Variants in ANKRD27 observed in about 807,000 individuals in gnomAD.
The protein encoded by ANKRD27 is ankyrin repeat domain-containing protein 27.
A neutral mutation model predicts 129.7 loss-of-function variants in ANKRD27; 112 were observed. The observed-to-expected ratio is 0.86, with a 90% CI of 0.74 to 1.01. ANKRD27 has a LOEUF of 1.01. Ranked by LOEUF, ANKRD27 falls within the 50% of genes least tolerant of loss-of-function variation. The pLI, the probability that ANKRD27 is intolerant of heterozygous loss-of-function variation, is 0.00. For missense variants in ANKRD27, 1,258 were observed against 1,300.5 expected (o/e 0.97, Z 0.50); for synonymous variants, 516 against 511.2 (o/e 1.01, Z -0.13).
At chr19:32,604,036 A>T (rs1389190989) in intron 25 of ANKRD27, among the ~76,000 whole-genome samples, 1 of 151,856 alleles carries the variant, frequency 6.6e-6, no homozygotes, top group Non-Finnish European at 1.5e-5. Flanking sequence ...GCCTTTGAAA[A>T]CCACCTGTGA....
intron 3 of ANKRD27, among the ~76,000 whole-genome samples, chr19:32,647,855 C>T (rs930404141): frequency 1.3e-5 from 2 of 152,238 alleles, no homozygotes; most frequent in Non-Finnish European, 2.9e-5. Context: ...CACACTGCAG[C>T]ACAAGATTAC....
intron 1 of ANKRD27, among the ~76,000 whole-genome samples, chr19:32,664,308 T>G (rs1390593789): frequency 1.3e-5 from 2 of 151,810 alleles, no homozygotes; most frequent in Non-Finnish European, 2.9e-5. Flanking sequence ...TATATGTCAC[T>G]GCACTTGACT....
intron 2 of ANKRD27, among the ~76,000 whole-genome samples, chr19:32,653,682 C>T (rs1247568757): frequency 6.6e-6 from 1 of 151,264 alleles, no homozygotes; most frequent in African/African-American, 2.4e-5. Context: ...GTGGGGGCAT[C>T]CCCACAAAAG....
rs1172456743 is a variant in ANKRD27, at chr19:32,640,404, C to A, written c.905-19G>T. 4 of 1,604,764 alleles carry A rather than the reference C, an allele frequency of 2.5e-6. No individual in the cohort carries two copies. Among genetic ancestry groups the A allele is most frequent in the Non-Finnish European group, 3.4e-6 (4 of 1,171,714 alleles). On this transcript the variant is annotated intron_variant, in intron 10 of 28. Coordinates refer to ENST00000306065, the MANE Select transcript of ANKRD27 (RefSeq NM_032139.3). The stretch of plus-strand genomic sequence containing the variant: ...AGGTTCACTGCAAAGGGGAAACACA[C>A]ATTCAATGCCATCATGAGATTCAAA...
Position 32,656,103 on chromosome 19 carries a change from G to GAAAAGA in ANKRD27, c.102+2810_102+2811insTCTTTT, listed in dbSNP as rs1555747135. On this transcript the variant is annotated intron_variant, in intron 2 of 28. Transcript: ENST00000306065. ...AGAAAGAAAGAAAGAAAGAAAGAAA[G>GAAAAGA]AAAGAAAAGAAAAGAAAAGAAAAGA... Among the ~76,000 whole-genome samples, 303 of 123,644 alleles carry GAAAAGA rather than the reference G, an allele frequency of 2.5e-3. 4 individuals are homozygous for GAAAAGA. The highest frequency in any genetic ancestry group is 0.012 in the South Asian group (44 of 3,620). 81.1% of individuals were successfully genotyped at this position (123,644 alleles called of 152,430 possible). A position where few individuals can be genotyped will look rare whatever the true frequency, so the allele number is the denominator to read the frequency against.
chr19:32,642,993 A>C (rs1967229416), intron 9 of ANKRD27, 130 bp downstream of exon 9: 2 of 872,654 alleles, frequency 2.3e-6, no homozygotes, highest in African/African-American at 1.7e-5. Flanking sequence ...GTTGCAAGTA[A>C]CTGCGCTGCT....
At chr19:32,644,272 C>T in intron 5 of ANKRD27, 53 bp downstream of exon 5, 1 of 1,589,792 alleles carries the variant, frequency 6.3e-7, no homozygotes, top group Admixed American at 1.7e-5. Flanking sequence ...TCCCAGCACC[C>T]TGCACTGAAC....
rs866258044 is a variant in ANKRD27 at position 32,667,229 on chromosome 19, C to T, written c.-31+7842G>A. On this transcript the variant is annotated intron_variant, in intron 1 of 28. Transcript: ENST00000306065. ...AGCAGCTCCTAGGTAACATGCTGCA[C>T]GGCCCCTGCTGCTGGGCAGTGAACA... Among the ~76,000 whole-genome samples the T allele has an allele frequency of 5.3e-5, 8 of 152,380 alleles. No individual in the cohort carries two copies. In the East Asian group the frequency reaches 5.8e-4, roughly 11 times the overall value.
rs976813024 is a variant in ANKRD27, at chr19:32,607,933, G to A, written c.2176-101C>T. Reference sequence around the variant, plus strand: ...GCCCCCCACAGCTCCCACACACAATGCGGGATCATGGCGGGATCCAGGATG... The same window carrying A: ...GCCCCCCACAGCTCCCACACACAATACGGGATCATGGCGGGATCCAGGATG... On this transcript the variant is annotated intron_variant, in intron 22 of 28. Coordinates refer to ENST00000306065, the MANE Select transcript of ANKRD27 (RefSeq NM_032139.3). The A allele has an allele frequency of 6.7e-6, 8 of 1,194,458 alleles. No individual in the cohort carries two copies. In the Admixed American group the frequency reaches 1.9e-4, roughly 29 times the overall value. The allele number at this position is 1,194,458 out of a possible 1,614,324, so 74.0% of individuals were successfully genotyped here. A position where few individuals can be genotyped will look rare whatever the true frequency, so the allele number is the denominator to read the frequency against.
At chr19:32,642,943 CCACA>C (rs969037636) in intron 9 of ANKRD27, 176 bp downstream of exon 9, 63 of 640,052 alleles carry the variant, frequency 9.8e-5, no homozygotes, top group Middle Eastern at 8.5e-4. Flanking sequence ...AGGGGGACGG[CCACA>C]CACAGTCACC....
At chr19:32,660,776 G>A (rs1018239447) in intron 1 of ANKRD27, among the ~76,000 whole-genome samples, 2 of 152,026 alleles carry the variant, frequency 1.3e-5, no homozygotes. Flanking sequence ...CATTTTCATT[G>A]GTTCATTAAT....
chr19:32,659,099 C>A, intron 1 of ANKRD27, 54 bp from the exon 2 acceptor site: 4 of 797,846 alleles, frequency 5.0e-6, no homozygotes, highest in Non-Finnish European at 8.7e-6. Context: ...TTACGTAACA[C>A]ATGAAAGTCT....
chr19:32,639,188 G>A (rs925609041), intron 12 of ANKRD27, 168 bp downstream of exon 12: 8 of 722,292 alleles, frequency 1.1e-5, no homozygotes, highest in Middle Eastern at 4.1e-4. Flanking sequence ...TTGAGGGCTT[G>A]GTGTTCTCTT....
chr19:32,614,421 A>G (rs1971881074), intron 22 of ANKRD27, among the ~76,000 whole-genome samples: 1 of 152,146 alleles, frequency 6.6e-6, no homozygotes, highest in African/African-American at 2.4e-5. Flanking sequence ...AAGAACAAGG[A>G]GGCCAGGCGC....
chr19:32,627,362 TTTTATTTATTTATTTA>T (rs149637042), intron 15 of ANKRD27, among the ~76,000 whole-genome samples: 17,976 of 132,138 alleles, frequency 0.14, 2,576 homozygotes, highest in African/African-American at 0.39. Flanking sequence ...GTGCACTTTA[TTTTATTTATTTATTTA>T]TTTATTTATT....
chr19:32,644,334 A>T lies in ANKRD27; in HGVS notation c.516T>A (p.Arg172=), dbSNP rs1201344481. The T allele has an allele frequency of 6.2e-7, 1 of 1,612,728 alleles. No homozygotes were observed. Among genetic ancestry groups the T allele is most frequent in the Non-Finnish European group, 8.5e-7 (1 of 1,179,722 alleles). Residue 172 remains arginine, a synonymous_variant, in exon 5 of 29, where the codon CGT becomes CGA. Transcript: ENST00000306065. Reference sequence around the variant, plus strand: ...CAGCACGGCTACTGACTATGTGGTGACGGAGGCTCTTTCTCTCGCATTCTC... The same window carrying T: ...CAGCACGGCTACTGACTATGTGGTGTCGGAGGCTCTTTCTCTCGCATTCTC... The part of the protein sequence containing the change: ...TFRECERKSL[R]HHIDSANALY...
At chr19:32,634,367 C>T (rs1226735206) in intron 12 of ANKRD27, among the ~76,000 whole-genome samples, 2 of 152,214 alleles carry the variant, frequency 1.3e-5, no homozygotes, top group Non-Finnish European at 2.9e-5. Context: ...AGTAAATATA[C>T]GAGCATCTCT....
At chr19:32,657,924 G>A (rs920193950) in intron 2 of ANKRD27, among the ~76,000 whole-genome samples, 1 of 152,010 alleles carries the variant, frequency 6.6e-6, no homozygotes, top group African/African-American at 2.4e-5. Context: ...GCTGTGAGCT[G>A]AGATCACGCC....
intron 9 of ANKRD27, among the ~76,000 whole-genome samples, chr19:32,642,888 G>A (rs183142475): frequency 1.3e-4 from 20 of 152,218 alleles, no homozygotes; most frequent in Admixed American, 4.6e-4. Context: ...ACAAAACCCC[G>A]TGCCCAGCGG....
Sources: allele counts gnomAD v4.1 joint callset (sites outside exome capture counted in the v4.1 genomes callset), GRCh38; gene constraint gnomAD v4.1.1; transcripts MANE v1.5; gene names NCBI Gene and HGNC (gene_info 2026-07-23, HGNC 2026-07-21).